INSYN2B: variants seen among roughly 807,000 people sequenced by gnomAD.
INSYN2B encodes inhibitory synaptic factor family member 2B, also known as protein INSYN2B.
A neutral mutation model predicts 41.2 loss-of-function variants in INSYN2B; 16 were observed. The ratio of observed to expected loss-of-function variants is 0.39; its 90% CI spans 0.26 to 0.59. The LOEUF (loss-of-function observed/expected upper bound fraction) is 0.59. Ranked by LOEUF, INSYN2B falls within the 20% of genes least tolerant of loss-of-function variation. The pLI is 0.57. For missense variants in INSYN2B, 608 were observed against 646.4 expected (o/e 0.94, Z 0.64); for synonymous variants, 245 against 244.4 (o/e 1.00, Z -0.02).
chr5:169,959,253 C>T (rs1053069114), intron 1 of INSYN2B, among the ~76,000 whole-genome samples: 3 of 151,752 alleles, frequency 2.0e-5, no homozygotes, highest in South Asian at 2.1e-4. Flanking sequence ...AATAGCTGGG[C>T]GTGGTGGTGC....
intron 1 of INSYN2B, among the ~76,000 whole-genome samples, chr5:169,936,547 T>C (rs992582000): frequency 6.6e-6 from 1 of 151,418 alleles, no homozygotes; most frequent in Admixed American, 6.6e-5. Context: ...GATGGGCATG[T>C]TGGGGAGAAT....
chr5:169,964,554 G>A (rs10067968), intron 1 of INSYN2B, among the ~76,000 whole-genome samples: 83,570 of 152,108 alleles, frequency 0.55, 23,373 homozygotes, highest in Middle Eastern at 0.65. Context: ...TCCGCCTGGA[G>A]GGCTTCCTTT....
At chr5:169,880,626 A>G (rs949605121) in intron 3 of INSYN2B, among the ~76,000 whole-genome samples, 1 of 152,216 alleles carries the variant, frequency 6.6e-6, no homozygotes, top group Non-Finnish European at 1.5e-5. Context: ...GCATTTGTTC[A>G]GAGGTTTGCA....
At chr5:169,870,813 A>G (rs1378857261) in intron 3 of INSYN2B, among the ~76,000 whole-genome samples, 1 of 152,176 alleles carries the variant, frequency 6.6e-6, no homozygotes, top group Non-Finnish European at 1.5e-5. Flanking sequence ...GGCAAAGGGA[A>G]GTCATACTGT....
intron 1 of INSYN2B, among the ~76,000 whole-genome samples, chr5:169,953,818 G>A (rs924090724): frequency 6.6e-6 from 1 of 152,206 alleles, no homozygotes; most frequent in African/African-American, 2.4e-5. Flanking sequence ...GTGGCTAAGA[G>A]CATGAGCCCT....
At chr5:169,936,578 C>CT (rs4041977) in intron 1 of INSYN2B, among the ~76,000 whole-genome samples, 5,454 of 122,808 alleles carry the variant, frequency 0.044, 157 homozygotes, top group East Asian at 0.1. Flanking sequence ...TCTCAGACTC[C>CT]TTTTTTTTTT....
At chr5:169,910,831 C>T (rs963890940) in intron 1 of INSYN2B, among the ~76,000 whole-genome samples, 6 of 152,228 alleles carry the variant, frequency 3.9e-5, no homozygotes, top group African/African-American at 1.2e-4. Flanking sequence ...GTCACTGGCT[C>T]CAGCCCCCAG....
In INSYN2B at chr5:169,883,067, A is replaced by C. The variant is rs1258982844; in HGVS notation, c.832T>G (p.Leu278Val). The change falls in exon 2 of 4, where the codon TTG becomes GTG. Residue 278 changes from leucine (L) to valine (V), a missense_variant. Coordinates refer to ENST00000377365, the MANE Select transcript of INSYN2B (RefSeq NM_001129891.3). Reference protein sequence around the residue: ...TPGTEELKPELLLPKDNSDDK... With the variant: ...TPGTEELKPEVLLPKDNSDDK... ...TCTGAGTTGTCTTTGGGCAAAAGCA[A>C]TTCAGGTTTAAGTTCCTCTGTGCCT... is the stretch of plus-strand genomic sequence containing the variant. 2.6e-6 allele frequency: 4 copies of C among 1,551,632 alleles called. No homozygotes were observed.
At chr5:169,946,561 CCATTCATT>C (rs144258254) in intron 1 of INSYN2B, among the ~76,000 whole-genome samples, 3 of 152,082 alleles carry the variant, frequency 2.0e-5, no homozygotes, top group Non-Finnish European at 2.9e-5. Flanking sequence ...AGTCACTCAT[CCATTCATT>C]CATTCATTCA....
At chr5:169,907,566 C>A (rs997280091) in intron 1 of INSYN2B, among the ~76,000 whole-genome samples, 3 of 152,216 alleles carry the variant, frequency 2.0e-5, no homozygotes, top group Non-Finnish European at 2.9e-5. Context: ...GCTTTACAGG[C>A]ATTATCTAAT....
chr5:169,899,433 A>C (rs1206549523), intron 1 of INSYN2B, among the ~76,000 whole-genome samples: 3 of 152,206 alleles, frequency 2.0e-5, no homozygotes, highest in Non-Finnish European at 4.4e-5. Flanking sequence ...ACCTATAAAT[A>C]GGATGGCAAG....
chr5:169,925,267 T>A (rs888142275), intron 1 of INSYN2B, among the ~76,000 whole-genome samples: 1 of 152,112 alleles, frequency 6.6e-6, no homozygotes, highest in Non-Finnish European at 1.5e-5. Flanking sequence ...AAACCTGCCT[T>A]GAGGGCAGGT....
At chr5:169,934,990 G>C in intron 1 of INSYN2B, 1 of 266,454 alleles carries the variant, frequency 3.8e-6, no homozygotes. Context: ...AACGTTAGCA[G>C]CCAACATACT....
intron 1 of INSYN2B, among the ~76,000 whole-genome samples, chr5:169,955,805 C>T (rs1776843621): frequency 6.6e-6 from 1 of 152,184 alleles, no homozygotes; most frequent in Non-Finnish European, 1.5e-5. Context: ...CCAACACAGT[C>T]CCTGCTACAT....
intron 3 of INSYN2B, among the ~76,000 whole-genome samples, chr5:169,879,298 T>C (rs537489073): frequency 6.6e-6 from 1 of 152,208 alleles, no homozygotes; most frequent in East Asian, 1.9e-4. Flanking sequence ...TTCACATCAC[T>C]TATTCATTCG....
At chr5:169,974,629 A>G (rs1377513915) in intron 1 of INSYN2B, among the ~76,000 whole-genome samples, 1 of 151,768 alleles carries the variant, frequency 6.6e-6, no homozygotes, top group African/African-American at 2.4e-5. Flanking sequence ...GCTGCTTAGG[A>G]TCCTTATCCA....
chr5:169,903,792 C>G (rs1236806155), intron 1 of INSYN2B, among the ~76,000 whole-genome samples: 1 of 152,046 alleles, frequency 6.6e-6, no homozygotes, highest in African/African-American at 2.4e-5. Context: ...GCAGTGGAAG[C>G]CTCCAGTGGG....
chr5:169,970,792 G>T (rs1355551805), intron 1 of INSYN2B, among the ~76,000 whole-genome samples: 1 of 152,192 alleles, frequency 6.6e-6, no homozygotes, highest in Admixed American at 6.5e-5. Flanking sequence ...TAGTAGATAT[G>T]GGGCTTTAAT....
chr5:169,887,728 T>C (rs534414755), intron 1 of INSYN2B, among the ~76,000 whole-genome samples: 1 of 152,348 alleles, frequency 6.6e-6, no homozygotes, highest in Admixed American at 6.5e-5. Context: ...ATTATCTTCT[T>C]GAAATAAATG....
Sources: allele counts gnomAD v4.1 joint callset (sites outside exome capture counted in the v4.1 genomes callset), GRCh38; gene constraint gnomAD v4.1.1; transcripts MANE v1.5; gene names NCBI Gene and HGNC (gene_info 2026-07-23, HGNC 2026-07-21).